The following RFX2 variants were observed in gnomAD, a reference collection of about 807,000 sequenced individuals.
RFX2 encodes the protein DNA-binding protein RFX2.
RFX2 carries 20 observed loss-of-function variants against 87.8 expected under a neutral mutation model. That is an observed-to-expected ratio of 0.23 (90% confidence interval 0.16 to 0.33). The LOEUF is 0.33. Ranked by LOEUF, RFX2 falls within the 10% of genes least tolerant of loss-of-function variation. RFX2 has a pLI of 1.00. For missense variants in RFX2, 767 were observed against 1,012.3 expected, an observed-to-expected ratio of 0.76 and a Z score of 3.29; for synonymous variants, 397 against 431.3, an observed-to-expected ratio of 0.92 and a Z score of 0.98.
Position 6,020,554 on chromosome 19 carries a change from G to A in RFX2, c.598-4283C>T, listed in dbSNP as rs927274045. On this transcript the variant is annotated intron_variant, in intron 6 of 17. Transcript: ENST00000303657. The surrounding 1 kb of genome is among the most constrained non-coding windows in gnomAD (Gnocchi z 5.3). Reference sequence around the variant, plus strand: ...GCAGGCTGGGAGCCACTTATGCACCGGGCCTTCCCATCCCTCGGTGCTGGA... The same window carrying A: ...GCAGGCTGGGAGCCACTTATGCACCAGGCCTTCCCATCCCTCGGTGCTGGA... Among the ~76,000 whole-genome samples the A allele has an allele frequency of 5.3e-5, 8 of 152,198 alleles. No individual in the cohort carries two copies. Among genetic ancestry groups the A allele is most frequent in the East Asian group, 1.9e-4 (1 of 5,188 alleles).
intron 1 of RFX2, among the ~76,000 whole-genome samples, chr19:6,075,850 AC>A (rs1350390957): frequency 6.6e-6 from 1 of 152,200 alleles, no homozygotes. Context: ...CAACTCTTGT[AC>A]CTCGGTGAGA....
intron 5 of RFX2, among the ~76,000 whole-genome samples, chr19:6,029,949 GA>G (rs1014817096): frequency 6.6e-6 from 1 of 152,096 alleles, no homozygotes; most frequent in African/African-American, 2.4e-5. Flanking sequence ...GGAGCGGAAA[GA>G]AAAAAGAATG....
rs1272298951 is a variant in RFX2 at position 6,004,935 on chromosome 19, A to G, written c.1403-637T>C. Among the ~76,000 whole-genome samples the G allele has an allele frequency of 5.9e-5, 9 of 152,092 alleles. No homozygotes were observed. Among genetic ancestry groups the G allele is most frequent in the Non-Finnish European group, 1.2e-4 (8 of 68,002 alleles). On this transcript the variant is annotated intron_variant, in intron 12 of 17. Coordinates refer to ENST00000303657, the MANE Select transcript of RFX2 (RefSeq NM_000635.4). This position sits in a 1 kb window ranked among gnomAD's most constrained non-coding sequence, Gnocchi z 4.8. ...GGAGTTCGAGACCAGCCTGGCCAAC[A>G]TGGTGAAACCCTATCTCTACTAAAA...
intron 1 of RFX2, among the ~76,000 whole-genome samples, chr19:6,095,004 C>A (rs1298941274): frequency 1.3e-5 from 2 of 152,022 alleles, no homozygotes; most frequent in Non-Finnish European, 2.9e-5. Flanking sequence ...CCCAGTTACT[C>A]GGGAGGCTGA....
intron 1 of RFX2, among the ~76,000 whole-genome samples, chr19:6,081,035 CAAA>C (rs537462734): frequency 0.026 from 2,371 of 89,660 alleles, 62 homozygotes; most frequent in African/African-American, 0.073. Context: ...GACTCCATCT[CAAA>C]AAAAAAAAAA....
At chr19:6,071,849 T>C in intron 1 of RFX2, among the ~76,000 whole-genome samples, 1 of 152,218 alleles carries the variant, frequency 6.6e-6, no homozygotes. Context: ...ATTTTTAAAA[T>C]GTAAAAAGGC....
intron 1 of RFX2, among the ~76,000 whole-genome samples, chr19:6,103,230 T>C (rs2088156574): frequency 6.6e-6 from 1 of 152,188 alleles, no homozygotes; most frequent in Non-Finnish European, 1.5e-5. Context: ...GCATTTAAAA[T>C]CTATCTGCTT....
chr19:6,021,636 G>T lies in RFX2; in HGVS notation c.597+4527C>A, dbSNP rs180786201. The stretch of plus-strand genomic sequence containing the variant: ...GGCCCCACAGTGCAAAGGCCCTGGG[G>T]CAGGTCCGAGCCTGGTGCATTGGAG... On this transcript the variant is annotated intron_variant, in intron 6 of 17. Coordinates refer to ENST00000303657, the MANE Select transcript of RFX2 (RefSeq NM_000635.4). This position sits in a 1 kb window ranked among gnomAD's most constrained non-coding sequence, Gnocchi z 5.7. 2.2e-4 allele frequency among the ~76,000 whole-genome samples: 34 copies of T among 152,344 alleles called. No homozygotes were observed. Among genetic ancestry groups the T allele is most frequent in the Admixed American group, 2.0e-3 (30 of 15,306 alleles).
chr19:6,056,502 C>T lies in RFX2; in HGVS notation c.-8-8998G>A, dbSNP rs2087344619. On this transcript the variant is annotated intron_variant, in intron 1 of 17. Transcript: ENST00000303657. This position sits in a 1 kb window ranked among gnomAD's most constrained non-coding sequence, Gnocchi z 4.6. ...GATCCTGAGTAACTCCTCCACCTGG[C>T]AGAGGAGAGCGCAGCAGAGAGTGGG... is the stretch of plus-strand genomic sequence containing the variant. Among the ~76,000 whole-genome samples, 1 of 152,168 alleles carries T rather than the reference C, an allele frequency of 6.6e-6. No homozygotes were observed. Among genetic ancestry groups the T allele is most frequent in the Admixed American group, 6.5e-5 (1 of 15,284 alleles).
At chr19:5,995,464 A>C (rs2086393699) in intron 17 of RFX2, 137 bp downstream of exon 17, 1 of 838,056 alleles carries the variant, frequency 1.2e-6, no homozygotes, top group Non-Finnish European at 2.0e-6. Flanking sequence ...TGTCCGGATG[A>C]CAGATCCCAG....
rs1416113930 is a variant in RFX2 at position 6,027,643 on chromosome 19, G to A, written c.523-1406C>T. ...GCCTTGTCCAGTGCCCAGCAGACTGGGAAGGAGAAGAAAACACTGTCTCTC... is the reference window on the plus strand; with the variant it reads ...GCCTTGTCCAGTGCCCAGCAGACTGAGAAGGAGAAGAAAACACTGTCTCTC... On this transcript the variant is annotated intron_variant, in intron 5 of 17. Coordinates refer to ENST00000303657, the MANE Select transcript of RFX2 (RefSeq NM_000635.4). The surrounding 1 kb of genome is among the most constrained non-coding windows in gnomAD (Gnocchi z 5.0). Among the ~76,000 whole-genome samples the A allele has an allele frequency of 6.6e-6, 1 of 152,312 alleles. No homozygotes were observed. The highest frequency in any genetic ancestry group is 1.5e-5 in the Non-Finnish European group (1 of 68,026).
At chr19:6,003,611 T>C (rs1191165860) in intron 13 of RFX2, among the ~76,000 whole-genome samples, 2 of 151,642 alleles carry the variant, frequency 1.3e-5, no homozygotes, top group African/African-American at 4.8e-5. Context: ...ACCCTGTCTC[T>C]ACTAAAAATA....
intron 6 of RFX2, among the ~76,000 whole-genome samples, chr19:6,025,710 A>G (rs1436695267): frequency 6.6e-6 from 1 of 151,708 alleles, no homozygotes; most frequent in Non-Finnish European, 1.5e-5. Flanking sequence ...TGCTGGATGT[A>G]GGATTCTAGA....
At chr19:6,098,892 G>GCCACA in intron 1 of RFX2, among the ~76,000 whole-genome samples, 1 of 148,520 alleles carries the variant, frequency 6.7e-6, no homozygotes, top group African/African-American at 2.5e-5. Flanking sequence ...CACTGCTCGT[G>GCCACA]GCCCAGGGCT....
At chr19:6,099,302 C>A (rs2088079111) in intron 1 of RFX2, among the ~76,000 whole-genome samples, 1 of 152,134 alleles carries the variant, frequency 6.6e-6, no homozygotes, top group East Asian at 1.9e-4. Flanking sequence ...TATAAAACCC[C>A]TCCCCGCTCC....
chr19:6,087,675 C>T (rs2087872271), intron 1 of RFX2, among the ~76,000 whole-genome samples: 1 of 152,106 alleles, frequency 6.6e-6, no homozygotes, highest in African/African-American at 2.4e-5. Context: ...TGCCTTCACT[C>T]TAAAAAATCC....
intron 1 of RFX2, among the ~76,000 whole-genome samples, chr19:6,066,938 A>G (rs990379919): frequency 2.0e-5 from 3 of 152,114 alleles, no homozygotes; most frequent in African/African-American, 4.8e-5. Context: ...TCTAAAAAAA[A>G]CCCTCTCAAA....
intron 1 of RFX2, chr19:6,068,103 C>T (rs1454961787): frequency 1.3e-5 from 2 of 152,126 alleles, no homozygotes; most frequent in African/African-American, 2.4e-5. Context: ...GTGGTGACAA[C>T]CTTGAATGCT....
intron 5 of RFX2, among the ~76,000 whole-genome samples, chr19:6,033,876 A>G (rs555395333): frequency 6.6e-6 from 1 of 152,364 alleles, no homozygotes; most frequent in African/African-American, 2.4e-5. Context: ...GAGAAAAAGC[A>G]GATGTGCCAT....
Sources: gnomAD v4.1 joint callset for allele counts (sites outside exome capture counted in the v4.1 genomes callset) on GRCh38, gnomAD v4.1.1 for gene constraint, Gnocchi (gnomAD v3.1) non-coding constraint, MANE v1.5 for transcripts, NCBI Gene and HGNC (gene_info 2026-07-23, HGNC 2026-07-21) for gene names.